PALM2AKAP2: variants seen among roughly 807,000 people sequenced by gnomAD.
PALM2AKAP2 encodes the protein PALM2-AKAP2 fusion protein.
A neutral mutation model predicts 71.5 loss-of-function variants in PALM2AKAP2; 37 were observed. The observed-to-expected ratio is 0.52, with a 90% confidence interval of 0.40 to 0.68. The LOEUF is 0.68. PALM2AKAP2 is among the 30% of genes least tolerant of loss of function. The pLI is 0.00. For synonymous variants in PALM2AKAP2, 468 were observed against 478.8 expected (o/e 0.98, Z 0.29); for missense variants, 1,224 against 1,191.8 (o/e 1.03, Z -0.40).
chr9:109,709,393 C>T (rs1044711564), intron 1 of PALM2AKAP2, among the ~76,000 whole-genome samples: 13 of 152,158 alleles, frequency 8.5e-5, no homozygotes, highest in Non-Finnish European at 1.6e-4. Flanking sequence ...TTGCTATGAG[C>T]TTTGAGCCCC....
intron 1 of PALM2AKAP2, among the ~76,000 whole-genome samples, chr9:109,791,632 C>T (rs1228386837): frequency 6.6e-6 from 1 of 152,202 alleles, no homozygotes; most frequent in Non-Finnish European, 1.5e-5. Flanking sequence ...GCCAGCCACC[C>T]TGCTGAATGC....
intron 1 of PALM2AKAP2, among the ~76,000 whole-genome samples, chr9:109,676,976 A>T (rs1332407815): frequency 6.6e-6 from 1 of 152,130 alleles, no homozygotes; most frequent in Non-Finnish European, 1.5e-5. Context: ...GGAATGGTGG[A>T]GGTAGGAGAG....
chr9:109,990,779 G>A (rs1161782754), intron 6 of PALM2AKAP2, among the ~76,000 whole-genome samples: 1 of 152,238 alleles, frequency 6.6e-6, no homozygotes, highest in Non-Finnish European at 1.5e-5. Context: ...TGGCACATTT[G>A]CCAGAATACT....
chr9:109,702,596 G>T (rs555727157), intron 1 of PALM2AKAP2, among the ~76,000 whole-genome samples: 1 of 151,170 alleles, frequency 6.6e-6, no homozygotes, highest in Non-Finnish European at 1.5e-5. Context: ...CTGTTGTGGG[G>T]GTGGGGGTAG....
intron 1 of PALM2AKAP2, among the ~76,000 whole-genome samples, chr9:109,818,635 T>C (rs1827911327): frequency 6.6e-6 from 1 of 152,208 alleles, no homozygotes; most frequent in Non-Finnish European, 1.5e-5. Flanking sequence ...TGTATACTTT[T>C]TATTTTTAGA....
chr9:109,717,891 T>C (rs1001710078), intron 1 of PALM2AKAP2, among the ~76,000 whole-genome samples: 2 of 152,114 alleles, frequency 1.3e-5, no homozygotes, highest in African/African-American at 4.8e-5. Flanking sequence ...GAAGAGAATC[T>C]TGTAGACATG....
intron 1 of PALM2AKAP2, among the ~76,000 whole-genome samples, chr9:109,827,358 G>A (rs559816998): frequency 1.7e-3 from 259 of 152,290 alleles, no homozygotes; most frequent in African/African-American, 6.1e-3. Context: ...GCTCATGACT[G>A]TAATCCCAGC....
At chr9:109,924,674 G>A (rs368381124) in intron 4 of PALM2AKAP2, among the ~76,000 whole-genome samples, 4 of 152,062 alleles carry the variant, frequency 2.6e-5, no homozygotes, top group East Asian at 1.9e-4. Flanking sequence ...AGTAGAGTCC[G>A]TAAAACCAGT....
At chr9:110,023,459 C>A (rs986396086) in intron 7 of PALM2AKAP2, among the ~76,000 whole-genome samples, 1 of 151,708 alleles carries the variant, frequency 6.6e-6, no homozygotes, top group African/African-American at 2.4e-5. Flanking sequence ...GATTAACAGG[C>A]CTGTGCCACC....
At chr9:110,104,213 G>C (rs987031748) in intron 1 of PALM2AKAP2, among the ~76,000 whole-genome samples, 1 of 151,902 alleles carries the variant, frequency 6.6e-6, no homozygotes, top group African/African-American at 2.4e-5. Context: ...ATCGTATTTT[G>C]AGTTCAATCT....
chr9:109,924,990 T>C (rs115759249), intron 4 of PALM2AKAP2, 71 bp from the exon 5 acceptor site: 5 of 1,609,544 alleles, frequency 3.1e-6, no homozygotes, highest in African/African-American at 1.3e-5. Flanking sequence ...GTTAAGTCTT[T>C]AAAGATGGGA....
At chr9:109,909,865 G>T (rs532919327) in intron 3 of PALM2AKAP2, among the ~76,000 whole-genome samples, 8 of 152,276 alleles carry the variant, frequency 5.3e-5, no homozygotes, top group East Asian at 3.9e-4. Context: ...CTTCATTTCT[G>T]CAGGTAAATG....
intron 1 of PALM2AKAP2, among the ~76,000 whole-genome samples, chr9:109,844,370 C>A (rs1290495340): frequency 6.6e-6 from 1 of 152,100 alleles, no homozygotes. Flanking sequence ...AATGGAAATA[C>A]CCCAAATGCA....
intron 7 of PALM2AKAP2, among the ~76,000 whole-genome samples, chr9:110,029,114 G>T (rs775639700): frequency 1.3e-5 from 2 of 152,124 alleles, no homozygotes; most frequent in Admixed American, 6.6e-5. Flanking sequence ...TCCATGCCAA[G>T]ATTTGTACCT....
intron 1 of PALM2AKAP2, among the ~76,000 whole-genome samples, chr9:110,075,423 T>C (rs35663233): frequency 0.098 from 14,895 of 152,154 alleles, 868 homozygotes; most frequent in African/African-American, 0.16. Context: ...TTCCTAATTA[T>C]AAAAATAATG....
At chr9:109,995,462 T>A (rs780720330) in intron 6 of PALM2AKAP2, among the ~76,000 whole-genome samples, 41 of 152,140 alleles carry the variant, frequency 2.7e-4, no homozygotes, top group Admixed American at 3.9e-4. Context: ...AAAAAAGACA[T>A]ACCCAAGACT....
chr9:110,144,316 T>C (rs1836108151), intron 2 of PALM2AKAP2, among the ~76,000 whole-genome samples: 2 of 152,246 alleles, frequency 1.3e-5, no homozygotes, highest in Admixed American at 6.5e-5. Flanking sequence ...TGAAGCTAGC[T>C]AAAGCTTATT....
At chr9:109,703,829 C>G (rs1828101065) in intron 1 of PALM2AKAP2, among the ~76,000 whole-genome samples, 1 of 152,112 alleles carries the variant, frequency 6.6e-6, no homozygotes, top group African/African-American at 2.4e-5. Context: ...GTTAACTAAT[C>G]TACAGAGGAC....
intron 7 of PALM2AKAP2, among the ~76,000 whole-genome samples, chr9:110,036,997 T>C (rs1324250542): frequency 6.6e-6 from 1 of 152,194 alleles, no homozygotes; most frequent in African/African-American, 2.4e-5. Context: ...TTTATTTTTC[T>C]TTATAACAAT....
Sources: allele counts gnomAD v4.1 joint callset (sites outside exome capture counted in the v4.1 genomes callset), GRCh38; gene constraint gnomAD v4.1.1; transcripts MANE v1.5; gene names NCBI Gene and HGNC (gene_info 2026-07-23, HGNC 2026-07-21).